Variants in IL1RL1 observed in about 807,000 individuals in gnomAD.
IL1RL1 encodes the protein interleukin-1 receptor-like 1.
A neutral mutation model predicts 50.9 loss-of-function variants in IL1RL1; 32 were observed. The observed-to-expected ratio is 0.63, with a 90% confidence interval of 0.47 to 0.84. The LOEUF (loss-of-function observed/expected upper bound fraction) is 0.84. Among genes scored for constraint, IL1RL1 ranks in the 40% least tolerant of loss-of-function variants. The pLI is 0.00. For synonymous variants in IL1RL1, 275 were observed against 236.0 expected (o/e 1.17, Z -1.51); for missense variants, 773 against 662.9 (o/e 1.17, Z -1.82).
rs1054630165 is a variant in IL1RL1, at chr2:102,323,018, T to C, written c.-150+11395T>C. ...CATGATGTTTTTGACAGTCATCCTA[T>C]GGTTATATCAGTATTTCCTTCCTTT... On this transcript the variant is annotated intron_variant, in intron 1 of 10. Coordinates refer to ENST00000233954, the MANE Select transcript of IL1RL1 (RefSeq NM_016232.5). 1.1e-4 allele frequency among the ~76,000 whole-genome samples: 17 copies of C among 152,298 alleles called. No homozygotes were observed. In the South Asian group the frequency reaches 2.7e-3, roughly 24 times the overall value.
intron 1 of IL1RL1, among the ~76,000 whole-genome samples, chr2:102,335,130 G>A (rs559214717): frequency 6.6e-6 from 1 of 152,312 alleles, no homozygotes; most frequent in East Asian, 1.9e-4. Flanking sequence ...AGAAATTTAT[G>A]GGTGCTTAAA....
intron 1 of IL1RL1, among the ~76,000 whole-genome samples, chr2:102,322,151 T>A (rs1290405520): frequency 6.6e-6 from 1 of 152,218 alleles, no homozygotes; most frequent in Non-Finnish European, 1.5e-5. Flanking sequence ...TAGTCTTGAC[T>A]CTGAATTCCA....
At chr2:102,338,634 A>G (rs1307286435) in intron 2 of IL1RL1, among the ~76,000 whole-genome samples, 1 of 152,208 alleles carries the variant, frequency 6.6e-6, no homozygotes, top group Non-Finnish European at 1.5e-5. Flanking sequence ...CTGCTTTTCC[A>G]TTGGATAACT....
intron 1 of IL1RL1, among the ~76,000 whole-genome samples, chr2:102,332,352 TG>T (rs1677199191): frequency 6.6e-6 from 1 of 152,148 alleles, no homozygotes; most frequent in Admixed American, 6.5e-5. Context: ...AACAAATACT[TG>T]GACACCGATA....
At chr2:102,328,257 C>T (rs1230616314) in intron 1 of IL1RL1, among the ~76,000 whole-genome samples, 1 of 152,162 alleles carries the variant, frequency 6.6e-6, no homozygotes. Context: ...ACAAAAACCA[C>T]ATGATTATCT....
chr2:102,345,918 G>A (rs1185726853), intron 8 of IL1RL1: 2 of 985,260 alleles, frequency 2.0e-6, no homozygotes, highest in Non-Finnish European at 2.4e-6. Context: ...CTCCTGCTTT[G>A]CTACGTTATC....
At chr2:102,318,838 C>G (rs1327972664) in intron 1 of IL1RL1, among the ~76,000 whole-genome samples, 1 of 152,058 alleles carries the variant, frequency 6.6e-6, no homozygotes, top group East Asian at 1.9e-4. Context: ...GATTCCTAAG[C>G]AACATGGTGG....
chr2:102,323,267 ATATATAGTGTGTGTGT>A (rs1184842867), intron 1 of IL1RL1, among the ~76,000 whole-genome samples: 1 of 38,668 alleles, frequency 2.6e-5, no homozygotes, highest in Non-Finnish European at 6.7e-5. Flanking sequence ...ATATATATAT[ATATATAGTGTGTGTGT>A]GTGTGTGTGT....
chr2:102,322,612 G>A (rs889398629), intron 1 of IL1RL1, among the ~76,000 whole-genome samples: 3 of 152,146 alleles, frequency 2.0e-5, no homozygotes, highest in Admixed American at 6.6e-5. Context: ...TACATAATGA[G>A]AGAATATGAT....
chr2:102,340,666 A>G lies in IL1RL1; in HGVS notation c.448A>G (p.Asn150Asp). The change falls in exon 5 of 11, where the codon AAT becomes GAT. Residue 150 changes from asparagine (N) to aspartate (D), a missense_variant and splice_region_variant. Transcript: ENST00000233954. ...AAGGAAATGGAATTTCTTATTTCAG[A>G]ATTGTCAGGCTCTTCAAGGATCAAG... ...NWTAPLEWFK[N>D]CQALQGSRYR... 6.3e-7 allele frequency: 1 copy of G among 1,581,924 alleles called. No homozygotes were observed. Among genetic ancestry groups the G allele is most frequent in the Non-Finnish European group, 8.5e-7 (1 of 1,171,346 alleles).
intron 1 of IL1RL1, among the ~76,000 whole-genome samples, chr2:102,318,664 G>A (rs1369257745): frequency 1.3e-5 from 2 of 152,150 alleles, no homozygotes; most frequent in Non-Finnish European, 2.9e-5. Context: ...GAGTGAGTGT[G>A]GACAGAGAAG....
At chr2:102,315,548 C>T (rs573232749) in intron 1 of IL1RL1, among the ~76,000 whole-genome samples, 2 of 152,184 alleles carry the variant, frequency 1.3e-5, no homozygotes, top group Non-Finnish European at 2.9e-5. Flanking sequence ...AAGACCGAGA[C>T]TTTAGTGAGG....
chr2:102,340,593 C>A (rs1677516524), intron 4 of IL1RL1, 73 bp from the exon 5 acceptor site: 2 of 1,493,010 alleles, frequency 1.3e-6, no homozygotes, highest in Non-Finnish European at 1.8e-6. Flanking sequence ...GCCTAGGCAA[C>A]AAACATTCTG....
chr2:102,347,877 C>T (rs750735577), intron 8 of IL1RL1, 68 bp from the exon 9 acceptor site: 35 of 913,352 alleles, frequency 3.8e-5, no homozygotes, highest in Non-Finnish European at 4.9e-5. Context: ...GGGAAGCCAA[C>T]ATCCATGTAT....
chr2:102,331,558 C>T lies in IL1RL1; in HGVS notation c.-149-6558C>T, dbSNP rs965688922. On this transcript the variant is annotated intron_variant, in intron 1 of 10. Transcript: ENST00000233954. ...ACAGAGCTTCTTCTGGCTCTCTATG[C>T]TCCATCTGTTCTCGGCCCAGGAGTT... Among the ~76,000 whole-genome samples, 6 of 152,334 alleles carry T rather than the reference C, an allele frequency of 3.9e-5. No individual in the cohort carries two copies. The East Asian group carries it at 5.8e-4, about 15-fold the overall frequency.
At position 102,340,667 on chromosome 2, in the gene IL1RL1, A is replaced by C. The variant is rs1677518916; in HGVS notation, c.449A>C (p.Asn150Thr). Residue 150 changes from asparagine (N) to threonine (T), a missense_variant and splice_region_variant, in exon 5 of 11, where the codon AAT (asparagine) becomes ACT (threonine). Coordinates refer to ENST00000233954, the MANE Select transcript of IL1RL1 (RefSeq NM_016232.5). ...NWTAPLEWFKNCQALQGSRYR... is the reference protein window; with the variant it reads ...NWTAPLEWFKTCQALQGSRYR... ...AGGAAATGGAATTTCTTATTTCAGA[A>C]TTGTCAGGCTCTTCAAGGATCAAGG... 6.3e-7 allele frequency: 1 copy of C among 1,582,296 alleles called. No homozygotes were observed. The highest frequency in any genetic ancestry group is 2.0e-5 in the Admixed American group (1 of 49,326).
At position 102,342,208 on chromosome 2, in the gene IL1RL1, C is replaced by A; in HGVS notation, c.611-15C>A. ...CAATGCTCTCCTAATATTTATATTT[C>A]TTTTTGTCTTTAAGATGAGCAAGGC... On this transcript the variant is annotated splice_polypyrimidine_tract_variant and intron_variant, in intron 5 of 10. Transcript: ENST00000233954. The A allele has an allele frequency of 1.9e-6, 3 of 1,576,076 alleles. No homozygotes were observed. Among genetic ancestry groups the A allele is most frequent in the African/African-American group, 1.3e-5 (1 of 74,096 alleles).
At chr2:102,339,079 C>A in intron 3 of IL1RL1, 32 bp downstream of exon 3, 1 of 1,488,578 alleles carries the variant, frequency 6.7e-7, no homozygotes, top group Non-Finnish European at 9.4e-7. Flanking sequence ...TCTTCTTTCA[C>A]CCTGCTCCCC....
intron 1 of IL1RL1, among the ~76,000 whole-genome samples, chr2:102,328,572 G>A (rs1231873114): frequency 2.0e-5 from 3 of 152,164 alleles, no homozygotes; most frequent in Non-Finnish European, 4.4e-5. Context: ...AATTGTCCCT[G>A]TTTGCAGATG....
Sources: gnomAD v4.1 joint callset for allele counts (sites outside exome capture counted in the v4.1 genomes callset) on GRCh38, gnomAD v4.1.1 for gene constraint, MANE v1.5 for transcripts, NCBI Gene and HGNC (gene_info 2026-07-23, HGNC 2026-07-21) for gene names.